ABTB3: variants seen among roughly 807,000 people sequenced by gnomAD.
The protein encoded by ABTB3 is ankyrin repeat and BTB domain containing 3, also known as ankyrin repeat- and BTB/POZ domain-containing protein 3.
the ABTB3 span, among the ~76,000 whole-genome samples, chr12:107,437,752 G>T: frequency 1.2e-4 from 18 of 152,178 alleles, no homozygotes; most frequent in African/African-American, 4.3e-4. Context: ...ATTGCCATTG[G>T]ATTTGGGCCC....
chr12:107,606,206 T>G, the ABTB3 span, among the ~76,000 whole-genome samples: 1 of 152,216 alleles, frequency 6.6e-6, no homozygotes, highest in Non-Finnish European at 1.5e-5. Flanking sequence ...TTTCCTCATC[T>G]GTGGAGTGGG....
chr12:107,457,868 G>A, the ABTB3 span, among the ~76,000 whole-genome samples: 1 of 152,318 alleles, frequency 6.6e-6, no homozygotes, highest in South Asian at 2.1e-4. Context: ...GGAGACTTTG[G>A]CAACAGAAAG....
the ABTB3 span, among the ~76,000 whole-genome samples, chr12:107,342,256 G>A: frequency 6.6e-6 from 1 of 151,940 alleles, no homozygotes; most frequent in Non-Finnish European, 1.5e-5. Flanking sequence ...CATTTTTTTG[G>A]GGGGAGGGGG....
At chr12:107,344,853 G>C in the ABTB3 span, among the ~76,000 whole-genome samples, 1 of 152,188 alleles carries the variant, frequency 6.6e-6, no homozygotes, top group African/African-American at 2.4e-5. Context: ...TTTTAATATA[G>C]TGCCTTGATT....
At chr12:107,639,381 G>T in the ABTB3 span, among the ~76,000 whole-genome samples, 2 of 152,298 alleles carry the variant, frequency 1.3e-5, no homozygotes, top group East Asian at 3.9e-4. Flanking sequence ...CTTTAGGAAG[G>T]ATGGCTCCTG....
At chr12:107,427,306 G>A in the ABTB3 span, among the ~76,000 whole-genome samples, 1 of 151,544 alleles carries the variant, frequency 6.6e-6, no homozygotes, top group Non-Finnish European at 1.5e-5. Flanking sequence ...TAAAGAAACA[G>A]GATCTTGCTC....
At chr12:107,344,897 G>T in the ABTB3 span, among the ~76,000 whole-genome samples, 1 of 152,192 alleles carries the variant, frequency 6.6e-6, no homozygotes, top group East Asian at 1.9e-4. Context: ...AAAAATGATT[G>T]ATTTGCTTTT....
the ABTB3 span, among the ~76,000 whole-genome samples, chr12:107,468,635 G>A: frequency 1.3e-5 from 2 of 152,116 alleles, no homozygotes; most frequent in African/African-American, 4.8e-5. Flanking sequence ...GGAAGGGAGC[G>A]CCCATTTCTT....
chr12:107,549,076 C>A, the ABTB3 span, among the ~76,000 whole-genome samples: 3 of 152,268 alleles, frequency 2.0e-5, no homozygotes, highest in Admixed American at 2.0e-4. Flanking sequence ...GTTACTTTTG[C>A]AAACGGAATG....
the ABTB3 span, among the ~76,000 whole-genome samples, chr12:107,388,336 C>T: frequency 1.3e-5 from 2 of 151,730 alleles, no homozygotes; most frequent in South Asian, 4.2e-4. Flanking sequence ...TCCTTCTCCT[C>T]CCTTTCTTTT....
At chr12:107,399,066 C>A in the ABTB3 span, among the ~76,000 whole-genome samples, 358 of 152,302 alleles carry the variant, frequency 2.4e-3, 3 homozygotes, top group African/African-American at 7.7e-3. Context: ...GACATACATT[C>A]TCAAAAGCAG....
chr12:107,582,690 G>A, the ABTB3 span, among the ~76,000 whole-genome samples: 3 of 152,304 alleles, frequency 2.0e-5, no homozygotes, highest in Middle Eastern at 6.8e-3. Flanking sequence ...GGAACCATTG[G>A]TGGAGCAGCT....
chr12:107,359,151 G>A, the ABTB3 span, among the ~76,000 whole-genome samples: 5 of 152,208 alleles, frequency 3.3e-5, no homozygotes, highest in African/African-American at 4.8e-5. Context: ...AAAGTCAGAC[G>A]TGGTGCCTGT....
At chr12:107,500,263 C>T in the ABTB3 span, among the ~76,000 whole-genome samples, 1 of 152,194 alleles carries the variant, frequency 6.6e-6, no homozygotes, top group Non-Finnish European at 1.5e-5. Context: ...GCCCGCTCCC[C>T]AGGACTGGGG....
chr12:107,544,196 A>T, the ABTB3 span: 1 of 1,555,544 alleles, frequency 6.4e-7, no homozygotes, highest in Non-Finnish European at 8.8e-7. Flanking sequence ...AGGGTGGGGC[A>T]AGTGTCCAGG....
the ABTB3 span, among the ~76,000 whole-genome samples, chr12:107,437,138 C>T: frequency 3.3e-5 from 5 of 152,120 alleles, no homozygotes; most frequent in African/African-American, 9.7e-5. Context: ...GTCCATTTCC[C>T]GTGGCTGTTG....
the ABTB3 span, among the ~76,000 whole-genome samples, chr12:107,597,124 C>T: frequency 1.3e-5 from 2 of 152,126 alleles, no homozygotes; most frequent in Non-Finnish European, 2.9e-5. Context: ...ATAGATGAAA[C>T]CTCTACTCTC....
chr12:107,477,507 G>C, the ABTB3 span, among the ~76,000 whole-genome samples: 1 of 152,102 alleles, frequency 6.6e-6, no homozygotes, highest in Admixed American at 6.5e-5. Context: ...TTGCCATAAA[G>C]TTCATCCTTG....
the ABTB3 span, among the ~76,000 whole-genome samples, chr12:107,342,587 A>G: frequency 6.6e-6 from 1 of 151,970 alleles, no homozygotes; most frequent in Non-Finnish European, 1.5e-5. Flanking sequence ...CCCTGCTCTG[A>G]TATTATTATT....
Sources: gnomAD v4.1 joint callset for allele counts (sites outside exome capture counted in the v4.1 genomes callset) on GRCh38, gnomAD v4.1.1 for gene constraint, MANE v1.5 for transcripts, NCBI Gene and HGNC (gene_info 2026-07-23, HGNC 2026-07-21) for gene names.